IGF1R: variants seen among roughly 807,000 people sequenced by gnomAD.
IGF1R encodes the protein insulin like growth factor 1 receptor, also known as insulin-like growth factor 1 receptor.
A neutral mutation model predicts 144.6 loss-of-function variants in IGF1R; 44 were observed. The ratio of observed to expected loss-of-function variants is 0.30; its 90% CI spans 0.24 to 0.39. The LOEUF (loss-of-function observed/expected upper bound fraction) is 0.39, where lower values mean the gene tolerates loss of function less well. Among genes scored for constraint, IGF1R ranks in the 10% least tolerant of loss-of-function variants. The pLI, the probability that IGF1R is intolerant of heterozygous loss-of-function variation, is 1.00. For synonymous variants in IGF1R, 795 were observed against 722.8 expected (o/e 1.10, Z -1.60); for missense variants, 1,355 against 1,833.7 (o/e 0.74, Z 4.77).
At chr15:98,848,482 G>A (rs529331231) in intron 2 of IGF1R, among the ~76,000 whole-genome samples, 191 of 152,316 alleles carry the variant, frequency 1.3e-3, no homozygotes, top group African/African-American at 4.4e-3. Flanking sequence ...GTCAGCTTCC[G>A]TCATTGTTAG....
Position 98,896,838 on chromosome 15 carries a change from T to C in IGF1R, c.1035T>C (p.Thr345=). The change falls in exon 4 of 21, where the codon ACT becomes ACC. Residue 345 remains threonine (T), a synonymous_variant. Coordinates refer to ENST00000650285, the MANE Select transcript of IGF1R (RefSeq NM_000875.5). ...EKKTKTIDSV[T]SAQMLQGCTI... ...AAACAAAGACCATTGATTCTGTTACTTCTGCTCAGATGCTCCAAGGATGCA... is the reference window on the plus strand; with the variant it reads ...AAACAAAGACCATTGATTCTGTTACCTCTGCTCAGATGCTCCAAGGATGCA... 6.2e-7 allele frequency: 1 copy of C among 1,614,158 alleles called. No individual in the cohort carries two copies. Among genetic ancestry groups the C allele is most frequent in the Non-Finnish European group, 8.5e-7 (1 of 1,179,996 alleles).
intron 2 of IGF1R, among the ~76,000 whole-genome samples, chr15:98,772,258 A>G (rs925585): frequency 0.14 from 21,140 of 152,076 alleles, 1,558 homozygotes; most frequent in Middle Eastern, 0.2. Flanking sequence ...ACTAAAAACT[A>G]CTAATTCATA....
intron 2 of IGF1R, among the ~76,000 whole-genome samples, chr15:98,817,316 TAATAA>T: frequency 7.4e-6 from 1 of 134,748 alleles, no homozygotes. Context: ...ATAATAATAA[TAATAA>T]TAATAATAAT....
At chr15:98,843,152 T>G (rs1266571818) in intron 2 of IGF1R, among the ~76,000 whole-genome samples, 7 of 152,216 alleles carry the variant, frequency 4.6e-5, no homozygotes, top group Non-Finnish European at 8.8e-5. Flanking sequence ...TACCATTCTT[T>G]CATCCTTCAA....
chr15:98,768,971 C>G (rs1369389138), intron 2 of IGF1R, among the ~76,000 whole-genome samples: 1 of 151,972 alleles, frequency 6.6e-6, no homozygotes, highest in African/African-American at 2.4e-5. Flanking sequence ...ACCTCACAAC[C>G]CTGGTCTCCC....
At chr15:98,696,099 T>G (rs2053591471) in intron 1 of IGF1R, among the ~76,000 whole-genome samples, 1 of 150,430 alleles carries the variant, frequency 6.6e-6, no homozygotes, top group African/African-American at 2.5e-5. Context: ...TTAAATCTCC[T>G]AAGTCTTTTT....
Position 98,755,401 on chromosome 15 carries a change from T to C in IGF1R, c.640+47294T>C, listed in dbSNP as rs148242177. On this transcript the variant is annotated intron_variant, in intron 2 of 20. Transcript: ENST00000650285. ...ACTAATGAAACAGGATTACAGTAAA[T>C]TGACTCGTGTATGTGTATACATCCA... Among the ~76,000 whole-genome samples the C allele has an allele frequency of 2.6e-5, 4 of 152,210 alleles. No homozygotes were observed. In the East Asian group the frequency reaches 7.7e-4, roughly 29 times the overall value.
chr15:98,962,149 G>A lies in IGF1R; in HGVS notation c.*4707G>A, dbSNP rs975328482. 17 of 233,212 alleles carry A rather than the reference G, an allele frequency of 7.3e-5. No individual in the cohort carries two copies. Among genetic ancestry groups the A allele is most frequent in the African/African-American group, 3.3e-4 (15 of 45,348 alleles). 14.4% of individuals were successfully genotyped at this position (233,212 alleles called of 1,614,324 possible). A position where few individuals can be genotyped will look rare whatever the true frequency, so the allele number is the denominator to read the frequency against. ...TGAGATCGATGGGTGAGAAGGCTAG[G>A]ATGCTTGTCTAGTGTTCTTAGCTGT... is the stretch of plus-strand genomic sequence containing the variant. On this transcript the variant is annotated 3_prime_UTR_variant, in exon 21 of 21. Transcript: ENST00000650285.
At chr15:98,885,114 A>AGCCC in intron 2 of IGF1R, among the ~76,000 whole-genome samples, 1 of 152,296 alleles carries the variant, frequency 6.6e-6, no homozygotes, top group South Asian at 2.1e-4. Context: ...CCTGGCAGGC[A>AGCCC]GCCCTAAGCT....
At chr15:98,810,004 G>A (rs2056551921) in intron 2 of IGF1R, among the ~76,000 whole-genome samples, 1 of 152,206 alleles carries the variant, frequency 6.6e-6, no homozygotes, top group African/African-American at 2.4e-5. Flanking sequence ...CTTTAGGGAA[G>A]CTGGGATGAA....
In IGF1R at chr15:98,686,764, A is replaced by G. The variant is rs547205932; in HGVS notation, c.95-20798A>G. 2.0e-5 allele frequency among the ~76,000 whole-genome samples: 3 copies of G among 151,604 alleles called. No homozygotes were observed. The South Asian group carries it at 6.2e-4, about 32-fold the overall frequency. On this transcript the variant is annotated intron_variant, in intron 1 of 20. Coordinates refer to ENST00000650285, the MANE Select transcript of IGF1R (RefSeq NM_000875.5). ...TAGTTCACTGCAGCCTCAACCTCCTAGGCTCATGTGATGCTCCCACCTACG... is the reference window on the plus strand; with the variant it reads ...TAGTTCACTGCAGCCTCAACCTCCTGGGCTCATGTGATGCTCCCACCTACG...
At chr15:98,948,736 C>CAGA (rs772056032) in intron 20 of IGF1R, 28 bp downstream of exon 20, 1 of 1,612,586 alleles carries the variant, frequency 6.2e-7, no homozygotes, top group Non-Finnish European at 8.5e-7. Context: ...CCTCCGTGCT[C>CAGA]TTCTGAGTTC....
intron 2 of IGF1R, among the ~76,000 whole-genome samples, chr15:98,867,181 G>A (rs998332263): frequency 1.4e-5 from 2 of 142,754 alleles, no homozygotes; most frequent in Non-Finnish European, 3.0e-5. Context: ...GAGAGAGAGA[G>A]AGAAATAACC....
At chr15:98,683,840 C>T (rs1033885840) in intron 1 of IGF1R, among the ~76,000 whole-genome samples, 15 of 152,302 alleles carry the variant, frequency 9.8e-5, no homozygotes, top group African/African-American at 3.6e-4. Flanking sequence ...CACCATTCTT[C>T]TTAATTTTTT....
intron 19 of IGF1R, among the ~76,000 whole-genome samples, chr15:98,948,334 C>G (rs1327429987): frequency 3.3e-5 from 5 of 152,308 alleles, no homozygotes; most frequent in Non-Finnish European, 7.4e-5. Flanking sequence ...CGGAAGCGCC[C>G]TCACCACCTT....
chr15:98,659,240 T>C (rs2052548576), intron 1 of IGF1R, among the ~76,000 whole-genome samples: 1 of 140,940 alleles, frequency 7.1e-6, no homozygotes. Context: ...ACAGTTGTGA[T>C]TTTTTTTTTC....
chr15:98,923,265 G>A (rs958326021), intron 11 of IGF1R, among the ~76,000 whole-genome samples: 2 of 152,400 alleles, frequency 1.3e-5, no homozygotes, highest in East Asian at 1.9e-4. Flanking sequence ...TCAGCCAGCC[G>A]CTGGAGGAGT....
At chr15:98,817,530 C>A (rs1483345652) in intron 2 of IGF1R, among the ~76,000 whole-genome samples, 1 of 150,802 alleles carries the variant, frequency 6.6e-6, no homozygotes, top group East Asian at 1.9e-4. Flanking sequence ...GAAAAGGTGG[C>A]ATTTAGACTA....
At chr15:98,746,942 ACAT>A (rs1241115859) in intron 2 of IGF1R, among the ~76,000 whole-genome samples, 1 of 152,224 alleles carries the variant, frequency 6.6e-6, no homozygotes, top group Non-Finnish European at 1.5e-5. Flanking sequence ...TGTTGTTCTT[ACAT>A]CATATCTCTT....
Sources: allele counts gnomAD v4.1 joint callset (sites outside exome capture counted in the v4.1 genomes callset), GRCh38; gene constraint gnomAD v4.1.1; transcripts MANE v1.5; gene names NCBI Gene and HGNC (gene_info 2026-07-23, HGNC 2026-07-21).